IVNS1ABP: variants seen among roughly 807,000 people sequenced by gnomAD.
The protein encoded by IVNS1ABP is influenza virus NS1A binding protein.
In IVNS1ABP, 25 loss-of-function variants were observed where a neutral mutation model predicts 78.9. The ratio of observed to expected loss-of-function variants is 0.32; its 90% CI spans 0.23 to 0.44. IVNS1ABP has a LOEUF of 0.44. Among genes scored for constraint, IVNS1ABP ranks in the 20% least tolerant of loss-of-function variants. The pLI is 1.00. For synonymous variants in IVNS1ABP, 241 were observed against 259.7 expected, an observed-to-expected ratio of 0.93 and a Z score of 0.69; for missense variants, 494 against 768.9, an observed-to-expected ratio of 0.64 and a Z score of 4.23.
chr1:185,313,459 T>C (rs956175709), intron 1 of IVNS1ABP, among the ~76,000 whole-genome samples: 10 of 152,170 alleles, frequency 6.6e-5, no homozygotes, highest in Non-Finnish European at 1.2e-4. Context: ...ATTGTCCTCA[T>C]ACACTATATA....
At chr1:185,303,401 T>A (rs990155078) in intron 8 of IVNS1ABP, among the ~76,000 whole-genome samples, 1 of 152,102 alleles carries the variant, frequency 6.6e-6, no homozygotes, top group Non-Finnish European at 1.5e-5. Flanking sequence ...ATGATTAGAT[T>A]CTTATTGTCC....
Position 185,311,222 on chromosome 1 carries a change from C to T in IVNS1ABP, c.-146G>A. On this transcript the variant is annotated 5_prime_UTR_variant, in exon 2 of 15. Transcript: ENST00000367498. ...GAAATGAAGGCAGGTGTGTCTTAAG[C>T]TCTAATGGTGATTCCAAAACTATCA... 2.5e-6 allele frequency: 1 copy of T among 396,474 alleles called. No individual in the cohort carries two copies. The highest frequency in any genetic ancestry group is 4.5e-6 in the Non-Finnish European group (1 of 224,646). The allele number at this position is 396,474 out of a possible 1,614,324, so 24.6% of individuals were successfully genotyped here.
At chr1:185,306,725 C>T in intron 7 of IVNS1ABP, 3 of 922,812 alleles carry the variant, frequency 3.3e-6, no homozygotes, top group Non-Finnish European at 4.2e-6. Context: ...TAAGAATCTA[C>T]AGAAAATTTC....
chr1:185,299,547 A>G (rs1665511952), intron 14 of IVNS1ABP, 163 bp downstream of exon 14: 5 of 690,092 alleles, frequency 7.2e-6, no homozygotes, highest in African/African-American at 3.6e-5. Flanking sequence ...ATTAGAAAAT[A>G]TATTTCTAAA....
chr1:185,310,210 TATCTC>T (rs1312361439), intron 2 of IVNS1ABP, among the ~76,000 whole-genome samples: 3 of 152,336 alleles, frequency 2.0e-5, no homozygotes, highest in Non-Finnish European at 4.4e-5. Flanking sequence ...CTAAATCACT[TATCTC>T]ATCAGATTAT....
Position 185,299,789 on chromosome 1 carries a change from G to A in IVNS1ABP, c.1596C>T (p.Tyr532=). The A allele has an allele frequency of 6.2e-7, 1 of 1,613,610 alleles. No homozygotes were observed. Among genetic ancestry groups the A allele is most frequent in the Non-Finnish European group, 8.5e-7 (1 of 1,179,744 alleles). ...AAGTCCAGGTATTATTTTCAGGATT[G>A]TATCGTTCTACTGTGTTCAGACAAT... ...SWNCLNTVER[Y]NPENNTWTLI... is the part of the protein sequence containing the mutation. The change falls in exon 14 of 15, where the codon TAC becomes TAT. Residue 532 remains tyrosine (Y), a synonymous_variant. Transcript: ENST00000367498.
chr1:185,308,797 T>C lies in IVNS1ABP; in HGVS notation c.357+3A>G. 1.3e-6 allele frequency: 2 copies of C among 1,598,128 alleles called. No individual in the cohort carries two copies. Among genetic ancestry groups the C allele is most frequent in the Non-Finnish European group, 1.7e-6 (2 of 1,172,132 alleles). On this transcript the variant is annotated splice_donor_region_variant and intron_variant, in intron 5 of 14. Transcript: ENST00000367498. ...ATGATTTTATTTACTTCTGATACTC[T>C]ACCTGCTTTACTCGATCCATCTTCA...
At position 185,307,526 on chromosome 1, in the gene IVNS1ABP, G is replaced by C. The variant is rs540074171; in HGVS notation, c.494C>G (p.Ser165Cys). The change falls in exon 6 of 15, where the codon TCT becomes TGT. Residue 165 changes from serine (S) to cysteine (C), a missense_variant. Transcript: ENST00000367498. The stretch of plus-strand genomic sequence containing the variant: ...AAGCTTAAGAAACTCCTCCTCTTCA[G>C]AAATTTGTAACAAATGCTCCTGAAT... ...AYIQEHLLQISEEEEFLKLPR... is the reference protein window; with the variant it reads ...AYIQEHLLQICEEEEFLKLPR... 9 of 1,613,250 alleles carry C rather than the reference G, an allele frequency of 5.6e-6. No homozygotes were observed. In the South Asian group the frequency reaches 9.9e-5, roughly 18 times the overall value.
chr1:185,300,174 T>G (rs372979937), intron 12 of IVNS1ABP, 43 bp downstream of exon 12: 1 of 1,604,888 alleles, frequency 6.2e-7, no homozygotes, highest in South Asian at 1.1e-5. Context: ...AATTTAATTA[T>G]CATATTTAAA....
Position 185,300,507 on chromosome 1 carries a change from T to A in IVNS1ABP, c.1172A>T (p.His391Leu). ...CLRTVECYNP[H>L]TDHWSFLAPM... ...AGCAAGAAAGGACCAGTGATCTGTA[T>A]GTGGATTATAGCATTCGACTGTTCG... The change falls in exon 11 of 15, where the codon CAT becomes CTT. Residue 391 changes from histidine to leucine, a missense_variant. His to Leu is a moderately conservative substitution (Grantham distance 99). Transcript: ENST00000367498. The A allele has an allele frequency of 1.2e-6, 2 of 1,613,636 alleles. No individual in the cohort carries two copies. The highest frequency in any genetic ancestry group is 1.7e-4 in the Middle Eastern group (1 of 6,058).
intron 14 of IVNS1ABP, chr1:185,299,152 G>A (rs757335981): frequency 7.7e-5 from 12 of 156,508 alleles, no homozygotes; most frequent in Non-Finnish European, 1.3e-4. Context: ...TGAGCCATAA[G>A]CCTGCTAAGG....
chr1:185,315,434 G>T (rs187568514), intron 1 of IVNS1ABP, among the ~76,000 whole-genome samples: 1 of 152,278 alleles, frequency 6.6e-6, no homozygotes, highest in South Asian at 2.1e-4. Context: ...ATAGAAATTA[G>T]TATCTATTAG....
In IVNS1ABP at chr1:185,296,856, G is replaced by C. The variant is rs1011821748; in HGVS notation, c.*1179C>G. On this transcript the variant is annotated 3_prime_UTR_variant, in exon 15 of 15. Transcript: ENST00000367498. Reference sequence around the variant, plus strand: ...AAAAAAAAATTTCTCAAAACTTTTAGTAATGAATGAGTGTACAAGCAGCAA... The same window carrying C: ...AAAAAAAAATTTCTCAAAACTTTTACTAATGAATGAGTGTACAAGCAGCAA... 6.6e-5 allele frequency: 10 copies of C among 152,102 alleles called. No individual in the cohort carries two copies. Among genetic ancestry groups the C allele is most frequent in the Admixed American group, 1.3e-4 (2 of 15,258 alleles). 9.4% of individuals were successfully genotyped at this position (152,102 alleles called of 1,614,324 possible).
chr1:185,307,419 T>G (rs1665767225), intron 6 of IVNS1ABP, 70 bp downstream of exon 6: 3 of 1,236,434 alleles, frequency 2.4e-6, no homozygotes, highest in Non-Finnish European at 3.4e-6. Context: ...CTCACTTGCT[T>G]GAAACACAGA....
Position 185,299,089 on chromosome 1 carries a change from G to A in IVNS1ABP, c.1675+621C>T, listed in dbSNP as rs565522976. 6.5e-5 allele frequency: 10 copies of A among 152,688 alleles called. No individual in the cohort carries two copies. In the East Asian group the frequency reaches 1.2e-3, roughly 18 times the overall value. 9.5% of individuals were successfully genotyped at this position (152,688 alleles called of 1,614,324 possible). ...TGCATTCTATGTATCTGTAAAGCACGCTGACAATGCTCTAGGCCAACAGGC... is the reference window on the plus strand; with the variant it reads ...TGCATTCTATGTATCTGTAAAGCACACTGACAATGCTCTAGGCCAACAGGC... On this transcript the variant is annotated intron_variant, in intron 14 of 14. Coordinates refer to ENST00000367498, the MANE Select transcript of IVNS1ABP (RefSeq NM_006469.5).
At position 185,306,761 on chromosome 1, in the gene IVNS1ABP, A is replaced by C. The variant is rs1205756812; in HGVS notation, c.657+253T>G. On this transcript the variant is annotated intron_variant, in intron 7 of 14. Transcript: ENST00000367498. ...AGTACCACTTCCCATTTCTAAAGCA[A>C]ATTACATGCTACTTTAAAGAAAGTT... The C allele has an allele frequency of 4.4e-6, 3 of 686,436 alleles. No individual in the cohort carries two copies. In the East Asian group the frequency reaches 1.5e-4, roughly 34 times the overall value. The allele number at this position is 686,436 out of a possible 1,614,324, so 42.5% of individuals were successfully genotyped here.
rs1249428718 is a variant in IVNS1ABP, at chr1:185,305,423, G to C, written c.765+113C>G. 1.8e-6 allele frequency: 2 copies of C among 1,134,732 alleles called. No individual in the cohort carries two copies. The highest frequency in any genetic ancestry group is 1.5e-5 in the African/African-American group (1 of 64,952). 70.3% of individuals were successfully genotyped at this position (1,134,732 alleles called of 1,614,324 possible). On this transcript the variant is annotated intron_variant, in intron 8 of 14. Transcript: ENST00000367498. This position sits in a 1 kb window ranked among gnomAD's most constrained non-coding sequence, Gnocchi z 4.0. ...TTTCTCCCAAAAATGTTTCTGTCCA[G>C]TTATACCAATGAAATTGGTCCACTT...
intron 11 of IVNS1ABP, 30 bp from the exon 12 acceptor site, chr1:185,300,373 T>C: frequency 1.9e-6 from 3 of 1,613,408 alleles, no homozygotes; most frequent in East Asian, 2.2e-5. Flanking sequence ...TGAGAATTTC[T>C]AACATCCTGA....
rs570700399 is a variant in IVNS1ABP, at chr1:185,304,284, C to G, written c.765+1252G>C. 2.1e-4 allele frequency among the ~76,000 whole-genome samples: 32 copies of G among 152,160 alleles called. 1 individual carries two copies. The South Asian group carries it at 6.7e-3, about 32-fold the overall frequency. On this transcript the variant is annotated intron_variant, in intron 8 of 14. Coordinates refer to ENST00000367498, the MANE Select transcript of IVNS1ABP (RefSeq NM_006469.5). ...TTGCCATACCGAACATTATGGCCTG[C>G]CACTTATTGGGCACTCAACCTCTGC...
Sources: allele counts gnomAD v4.1 joint callset (sites outside exome capture counted in the v4.1 genomes callset), GRCh38; gene constraint gnomAD v4.1.1; non-coding constraint Gnocchi (gnomAD v3.1); transcripts MANE v1.5; gene names NCBI Gene and HGNC (gene_info 2026-07-23, HGNC 2026-07-21).